Variants in CNTN4 observed in about 807,000 individuals in gnomAD.
CNTN4 encodes the protein contactin-4.
Under a neutral mutation model 122.5 loss-of-function variants are expected in CNTN4, and 77 were observed. The ratio of observed to expected loss-of-function variants is 0.63; its 90% CI spans 0.52 to 0.76. The LOEUF (loss-of-function observed/expected upper bound fraction) is 0.76, where lower values mean the gene tolerates loss of function less well. CNTN4 is among the 30% of genes least tolerant of loss of function. CNTN4 has a pLI of 0.00. For synonymous variants in CNTN4, 512 were observed against 447.0 expected, an observed-to-expected ratio of 1.15 and a Z score of -1.83; for missense variants, 1,256 against 1,259.1, an observed-to-expected ratio of 1.00 and a Z score of 0.04.
intron 13 of CNTN4, among the ~76,000 whole-genome samples, chr3:2,946,310 C>G (rs559817989): frequency 8.5e-5 from 13 of 152,300 alleles, no homozygotes; most frequent in African/African-American, 3.1e-4. Context: ...AACTTTCTGT[C>G]ATGCGTGGCT....
intron 2 of CNTN4, among the ~76,000 whole-genome samples, chr3:2,149,488 C>A (rs1375877142): frequency 6.6e-6 from 1 of 151,922 alleles, no homozygotes; most frequent in Non-Finnish European, 1.5e-5. Flanking sequence ...CTAAAAGCAC[C>A]TTCAGGTTTA....
intron 2 of CNTN4, among the ~76,000 whole-genome samples, chr3:2,160,242 C>T (rs567271642): frequency 3.9e-5 from 6 of 152,092 alleles, no homozygotes; most frequent in South Asian, 2.1e-4. Flanking sequence ...GGCAGGTTGG[C>T]GGTCACCTGG....
At chr3:2,170,187 G>GAT (rs1228600031) in intron 2 of CNTN4, among the ~76,000 whole-genome samples, 237 of 139,546 alleles carry the variant, frequency 1.7e-3, no homozygotes, top group African/African-American at 6.8e-3. Context: ...CGGGCGTGGT[G>GAT]GCGGCGCCTG....
chr3:2,807,614 G>A (rs980154496), intron 6 of CNTN4, among the ~76,000 whole-genome samples: 2 of 152,104 alleles, frequency 1.3e-5, no homozygotes, highest in African/African-American at 4.8e-5. Flanking sequence ...ATGAAACAAA[G>A]CTGTTACTCC....
At chr3:2,208,015 T>G (rs1005111733) in intron 2 of CNTN4, among the ~76,000 whole-genome samples, 3 of 152,240 alleles carry the variant, frequency 2.0e-5, no homozygotes, top group South Asian at 4.1e-4. Context: ...TAGACAAGAT[T>G]GATATTATCT....
chr3:2,357,176 AC>A (rs1323165017), intron 3 of CNTN4, among the ~76,000 whole-genome samples: 2 of 152,172 alleles, frequency 1.3e-5, no homozygotes, highest in African/African-American at 4.8e-5. Context: ...GATGCTGGTG[AC>A]CCACAAACCG....
intron 3 of CNTN4, among the ~76,000 whole-genome samples, chr3:2,391,192 T>C (rs980245296): frequency 3.9e-5 from 6 of 152,190 alleles, no homozygotes; most frequent in Non-Finnish European, 8.8e-5. Flanking sequence ...ACTTGCCATA[T>C]CTTCAAATAT....
At chr3:2,913,740 G>A (rs1352744851) in intron 12 of CNTN4, among the ~76,000 whole-genome samples, 1 of 152,110 alleles carries the variant, frequency 6.6e-6, no homozygotes, top group Non-Finnish European at 1.5e-5. Flanking sequence ...TTCAATCATG[G>A]ATAGAACAGT....
At chr3:2,593,412 A>T (rs968590141) in intron 4 of CNTN4, among the ~76,000 whole-genome samples, 3 of 152,224 alleles carry the variant, frequency 2.0e-5, no homozygotes, top group African/African-American at 7.2e-5. Context: ...TGCTTAGTAG[A>T]TGAGAAAACT....
chr3:2,600,537 T>C (rs1325782453), intron 4 of CNTN4, among the ~76,000 whole-genome samples: 1 of 152,212 alleles, frequency 6.6e-6, no homozygotes, highest in Non-Finnish European at 1.5e-5. Context: ...AACTCATCAT[T>C]TTCTATGGCT....
intron 4 of CNTN4, among the ~76,000 whole-genome samples, chr3:2,605,975 T>C (rs996841769): frequency 3.3e-5 from 5 of 152,166 alleles, no homozygotes; most frequent in Non-Finnish European, 7.3e-5. Context: ...AGGCAAGGCC[T>C]TGGGGAGCTA....
intron 6 of CNTN4, among the ~76,000 whole-genome samples, chr3:2,748,637 G>A (rs918655509): frequency 3.9e-5 from 6 of 151,956 alleles, no homozygotes; most frequent in Non-Finnish European, 8.8e-5. Flanking sequence ...TACTATAATC[G>A]AACTCCAATT....
intron 2 of CNTN4, among the ~76,000 whole-genome samples, chr3:2,303,449 A>T (rs1238524652): frequency 6.6e-6 from 1 of 152,112 alleles, no homozygotes; most frequent in African/African-American, 2.4e-5. Context: ...AGCAGGCGAT[A>T]TGTGGTTCTT....
chr3:2,714,638 C>T (rs1161280502), intron 4 of CNTN4, among the ~76,000 whole-genome samples: 4 of 152,198 alleles, frequency 2.6e-5, no homozygotes, highest in East Asian at 1.9e-4. Context: ...AGAAAACCAA[C>T]CAGAACAGAA....
At chr3:2,586,523 T>C (rs1174343309) in intron 4 of CNTN4, among the ~76,000 whole-genome samples, 1 of 152,100 alleles carries the variant, frequency 6.6e-6, no homozygotes, top group Non-Finnish European at 1.5e-5. Flanking sequence ...GAACCCCTGA[T>C]CTCGTGATCT....
Position 2,763,003 on chromosome 3 carries a change from T to G in CNTN4, c.358+17306T>G, listed in dbSNP as rs1253529721. On this transcript the variant is annotated intron_variant, in intron 6 of 24. Transcript: ENST00000418658. ...GTCGCGCAGGCTGGAGTGCAGTGGCTCGATCTCAGCTCTCCACAAGCTCCG... is the reference window on the plus strand; with the variant it reads ...GTCGCGCAGGCTGGAGTGCAGTGGCGCGATCTCAGCTCTCCACAAGCTCCG... Among the ~76,000 whole-genome samples, 18 of 146,638 alleles carry G rather than the reference T, an allele frequency of 1.2e-4. No individual in the cohort carries two copies. The East Asian group carries it at 3.3e-3, about 27-fold the overall frequency.
At chr3:2,741,304 G>A (rs896308001) in intron 5 of CNTN4, among the ~76,000 whole-genome samples, 5 of 152,186 alleles carry the variant, frequency 3.3e-5, no homozygotes, top group African/African-American at 1.2e-4. Flanking sequence ...ATTCAGGATG[G>A]CGAAGGTAGA....
At chr3:2,562,798 A>G (rs1202275542) in intron 3 of CNTN4, among the ~76,000 whole-genome samples, 1 of 151,774 alleles carries the variant, frequency 6.6e-6, no homozygotes, top group Non-Finnish European at 1.5e-5. Context: ...ATCTTGGCTC[A>G]CTGCAGACTC....
chr3:2,945,530 C>T (rs1396971280), intron 13 of CNTN4, among the ~76,000 whole-genome samples: 1 of 152,144 alleles, frequency 6.6e-6, no homozygotes, highest in African/African-American at 2.4e-5. Context: ...GTCTGGGCAC[C>T]TCCCCCTCTC....
Sources: allele counts gnomAD v4.1 joint callset (sites outside exome capture counted in the v4.1 genomes callset), GRCh38; gene constraint gnomAD v4.1.1; transcripts MANE v1.5; gene names NCBI Gene and HGNC (gene_info 2026-07-23, HGNC 2026-07-21).